The following RNU4ATAC variants were observed in gnomAD, a reference collection of about 807,000 sequenced individuals.
RNU4ATAC encodes RNA, U4atac small nuclear (U12-dependent splicing).
At chr2:121,530,941 T>TAACGCCTGAACACAC (rs1559534196) in exon 1 of RNU4ATAC, 1 of 700,438 alleles carries the variant, frequency 1.4e-6, no homozygotes, top group Admixed American at 2.0e-5. Context: ...GCAGTACTGC[T>TAACGCCTGAACACAC]AACGCCTGAA....
chr2:121,530,905 TA>T, exon 1 of RNU4ATAC: 1 of 697,710 alleles, frequency 1.4e-6, no homozygotes, highest in South Asian at 1.5e-5. Flanking sequence ...GGGGTTGCGC[TA>T]CTGTCCAATG....
At position 121,530,897 on chromosome 2, in the gene RNU4ATAC, G is replaced by A. The variant is rs991806266; in HGVS notation, n.17G>A. On this transcript the variant is annotated non_coding_transcript_exon_variant, in exon 1 of 1. Transcript: ENST00000580972. ...TCTATTATAACCATCCTTTTCTTGG[G>A]GTTGCGCTACTGTCCAATGAGCGCA... The A allele has an allele frequency of 4.3e-5, 30 of 694,810 alleles. No individual in the cohort carries two copies. Among genetic ancestry groups the A allele is most frequent in the East Asian group, 1.1e-4 (4 of 37,124 alleles). The allele number at this position is 694,810 out of a possible 1,614,324, so 43.0% of individuals were successfully genotyped here.
At chr2:121,530,975 CTTTTGCTTTA>C in exon 1 of RNU4ATAC, 2 of 700,418 alleles carry the variant, frequency 2.9e-6, no homozygotes, top group South Asian at 1.5e-5. Flanking sequence ...TCAACTAGAG[CTTTTGCTTTA>C]TTTTGGTGCA....
rs371749022 is a variant in RNU4ATAC, at chr2:121,530,976, T to C, written n.96T>C. 12 of 700,314 alleles carry C rather than the reference T, an allele frequency of 1.7e-5. 1 individual carries two copies. The East Asian group carries it at 2.7e-4, about 16-fold the overall frequency. 43.4% of individuals were successfully genotyped at this position (700,314 alleles called of 1,614,324 possible). ...ACAACACACCCGCATCAACTAGAGC[T>C]TTTGCTTTATTTTGGTGCAATTTTT... On this transcript the variant is annotated non_coding_transcript_exon_variant, in exon 1 of 1. Coordinates refer to ENST00000580972, the Ensembl canonical transcript of RNU4ATAC.
rs910631799 is a variant in RNU4ATAC at position 121,530,910 on chromosome 2, T to C, written n.30T>C. 5.7e-6 allele frequency: 4 copies of C among 699,136 alleles called. No individual in the cohort carries two copies. Among genetic ancestry groups the C allele is most frequent in the East Asian group, 2.7e-5 (1 of 37,242 alleles). 43.3% of individuals were successfully genotyped at this position (699,136 alleles called of 1,614,324 possible). A position where few individuals can be genotyped will look rare whatever the true frequency, so the allele number is the denominator to read the frequency against. The stretch of plus-strand genomic sequence containing the variant: ...TCCTTTTCTTGGGGTTGCGCTACTG[T>C]CCAATGAGCGCATAGTGAGGGCAGT... On this transcript the variant is annotated non_coding_transcript_exon_variant, in exon 1 of 1. Coordinates refer to ENST00000580972, the Ensembl canonical transcript of RNU4ATAC.
chr2:121,530,942 A>T lies in RNU4ATAC; in HGVS notation n.62A>T, dbSNP rs978736477. Reference sequence around the variant, plus strand: ...AGCGCATAGTGAGGGCAGTACTGCTAACGCCTGAACAACACACCCGCATCA... The same window carrying T: ...AGCGCATAGTGAGGGCAGTACTGCTTACGCCTGAACAACACACCCGCATCA... On this transcript the variant is annotated non_coding_transcript_exon_variant, in exon 1 of 1. Coordinates refer to ENST00000580972, the Ensembl canonical transcript of RNU4ATAC. The T allele has an allele frequency of 1.4e-6, 1 of 700,420 alleles. No homozygotes were observed. Among genetic ancestry groups the T allele is most frequent in the South Asian group, 1.5e-5 (1 of 67,504 alleles). The allele number at this position is 700,420 out of a possible 1,614,324, so 43.4% of individuals were successfully genotyped here. A position where few individuals can be genotyped will look rare whatever the true frequency, so the allele number is the denominator to read the frequency against.
chr2:121,530,933 A>G (rs757475581), exon 1 of RNU4ATAC: 9 of 700,310 alleles, frequency 1.3e-5, no homozygotes, highest in Admixed American at 6.0e-5. Context: ...TAGTGAGGGC[A>G]GTACTGCTAA....
Position 121,530,940 on chromosome 2 carries a change from C to T in RNU4ATAC, n.60C>T, listed in dbSNP as rs769426972. ...TGAGCGCATAGTGAGGGCAGTACTG[C>T]TAACGCCTGAACAACACACCCGCAT... On this transcript the variant is annotated non_coding_transcript_exon_variant, in exon 1 of 1. Coordinates refer to ENST00000580972, the Ensembl canonical transcript of RNU4ATAC. 1.3e-4 allele frequency: 88 copies of T among 700,290 alleles called. No individual in the cohort carries two copies. The highest frequency in any genetic ancestry group is 3.5e-4 in the East Asian group (13 of 37,310). The allele number at this position is 700,290 out of a possible 1,614,324, so 43.4% of individuals were successfully genotyped here. A position where few individuals can be genotyped will look rare whatever the true frequency, so the allele number is the denominator to read the frequency against.
At position 121,530,991 on chromosome 2, in the gene RNU4ATAC, G is replaced by A. The variant is rs759252092; in HGVS notation, n.111G>A. On this transcript the variant is annotated non_coding_transcript_exon_variant, in exon 1 of 1. Coordinates refer to ENST00000580972, the Ensembl canonical transcript of RNU4ATAC. ...CAACTAGAGCTTTTGCTTTATTTTGGTGCAATTTTTGGAAAAATGAAAACC... is the reference window on the plus strand; with the variant it reads ...CAACTAGAGCTTTTGCTTTATTTTGATGCAATTTTTGGAAAAATGAAAACC... 4.6e-5 allele frequency: 32 copies of A among 700,118 alleles called. No individual in the cohort carries two copies. The highest frequency in any genetic ancestry group is 3.4e-4 in the South Asian group (23 of 67,500). The allele number at this position is 700,118 out of a possible 1,614,324, so 43.4% of individuals were successfully genotyped here.
In RNU4ATAC at chr2:121,530,969, C is replaced by T. The variant is rs546680447; in HGVS notation, n.89C>T. 1.3e-4 allele frequency: 88 copies of T among 700,398 alleles called. No individual in the cohort carries two copies. The highest frequency in any genetic ancestry group is 3.8e-4 in the African/African-American group (22 of 57,286). 43.4% of individuals were successfully genotyped at this position (700,398 alleles called of 1,614,324 possible). A position where few individuals can be genotyped will look rare whatever the true frequency, so the allele number is the denominator to read the frequency against. On this transcript the variant is annotated non_coding_transcript_exon_variant, in exon 1 of 1. Coordinates refer to ENST00000580972, the Ensembl canonical transcript of RNU4ATAC. ...CGCCTGAACAACACACCCGCATCAA[C>T]TAGAGCTTTTGCTTTATTTTGGTGC...
exon 1 of RNU4ATAC, chr2:121,530,971 A>AT: frequency 1.4e-6 from 1 of 700,390 alleles, no homozygotes; most frequent in Non-Finnish European, 2.6e-6. Context: ...CGCATCAACT[A>AT]GAGCTTTTGC....
At position 121,530,965 on chromosome 2, in the gene RNU4ATAC, T is replaced by C. The variant is rs949525537; in HGVS notation, n.85T>C. 26 of 700,314 alleles carry C rather than the reference T, an allele frequency of 3.7e-5. No individual in the cohort carries two copies. Among genetic ancestry groups the C allele is most frequent in the Middle Eastern group, 3.6e-4 (1 of 2,756 alleles). The allele number at this position is 700,314 out of a possible 1,614,324, so 43.4% of individuals were successfully genotyped here. ...CTAACGCCTGAACAACACACCCGCA[T>C]CAACTAGAGCTTTTGCTTTATTTTG... On this transcript the variant is annotated non_coding_transcript_exon_variant, in exon 1 of 1. Coordinates refer to ENST00000580972, the Ensembl canonical transcript of RNU4ATAC.
In RNU4ATAC at chr2:121,530,984, T is replaced by G. The variant is rs143596327; in HGVS notation, n.104T>G. 3 of 700,432 alleles carry G rather than the reference T, an allele frequency of 4.3e-6. No individual in the cohort carries two copies. In the South Asian group the frequency reaches 4.4e-5, roughly 10 times the overall value. 43.4% of individuals were successfully genotyped at this position (700,432 alleles called of 1,614,324 possible). On this transcript the variant is annotated non_coding_transcript_exon_variant, in exon 1 of 1. Transcript: ENST00000580972. ...CCCGCATCAACTAGAGCTTTTGCTT[T>G]ATTTTGGTGCAATTTTTGGAAAAAT...
exon 1 of RNU4ATAC, chr2:121,530,921 C>A (rs555609754): frequency 8.6e-6 from 6 of 699,762 alleles, no homozygotes; most frequent in South Asian, 4.4e-5. Context: ...CCAATGAGCG[C>A]ATAGTGAGGG....
At chr2:121,530,955 C>T (rs983845260) in exon 1 of RNU4ATAC, 7 of 700,308 alleles carry the variant, frequency 1.0e-5, no homozygotes, top group Admixed American at 4.0e-5. Context: ...GCCTGAACAA[C>T]ACACCCGCAT....
chr2:121,530,959 C>G (rs753681380), exon 1 of RNU4ATAC: 5 of 700,416 alleles, frequency 7.1e-6, no homozygotes, highest in South Asian at 4.4e-5. Context: ...GAACAACACA[C>G]CCGCATCAAC....
At chr2:121,530,999 T>A (rs1281131043) in exon 1 of RNU4ATAC, 3 of 700,240 alleles carry the variant, frequency 4.3e-6, no homozygotes, top group Non-Finnish European at 7.8e-6. Context: ...TGGTGCAATT[T>A]TTGGAAAAAT....
At position 121,530,987 on chromosome 2, in the gene RNU4ATAC, T is replaced by TTTGGTGC. The variant is rs1293420087; in HGVS notation, n.108_114dup. The TTTGGTGC allele has an allele frequency of 1.4e-6, 1 of 700,212 alleles. No homozygotes were observed. The highest frequency in any genetic ancestry group is 1.7e-5 in the African/African-American group (1 of 57,170). 43.4% of individuals were successfully genotyped at this position (700,212 alleles called of 1,614,324 possible). Reference sequence around the variant, plus strand: ...GCATCAACTAGAGCTTTTGCTTTATTTTGGTGCAATTTTTGGAAAAATGAA... The same window carrying TTTGGTGC: ...GCATCAACTAGAGCTTTTGCTTTATTTTGGTGCTTGGTGCAATTTTTGGAAAAATGAA... On this transcript the variant is annotated non_coding_transcript_exon_variant, in exon 1 of 1. Transcript: ENST00000580972.
At position 121,530,976 on chromosome 2, in the gene RNU4ATAC, T is replaced by G. The variant is rs371749022; in HGVS notation, n.96T>G. The G allele has an allele frequency of 1.3e-5, 9 of 700,196 alleles. No individual in the cohort carries two copies. The highest frequency in any genetic ancestry group is 5.4e-5 in the East Asian group (2 of 37,302). The allele number at this position is 700,196 out of a possible 1,614,324, so 43.4% of individuals were successfully genotyped here. ...ACAACACACCCGCATCAACTAGAGC[T>G]TTTGCTTTATTTTGGTGCAATTTTT... On this transcript the variant is annotated non_coding_transcript_exon_variant, in exon 1 of 1. Coordinates refer to ENST00000580972, the Ensembl canonical transcript of RNU4ATAC.
Sources: gnomAD v4.1 joint callset for allele counts on GRCh38, gnomAD v4.1.1 for gene constraint, MANE v1.5 for transcripts, NCBI Gene and HGNC (gene_info 2026-07-23, HGNC 2026-07-21) for gene names.